Variants in OR51M1 observed in about 807,000 individuals in gnomAD.
OR51M1 encodes the protein olfactory receptor family 51 subfamily M member 1.
For synonymous variants in OR51M1, 199 were observed against 155.1 expected (o/e 1.28, Z -2.10); for missense variants, 509 against 404.4 (o/e 1.26, Z -2.22).
rs375153622 is a variant in OR51M1 at position 5,389,915 on chromosome 11, C to T, written c.517C>T (p.Leu173Phe). ...ACCTGTGGCCACTATCCCTATTGTCCTCCTCCTGAAGGCTTTTCCCTACTG... is the reference window on the plus strand; with the variant it reads ...ACCTGTGGCCACTATCCCTATTGTCTTCCTCCTGAAGGCTTTTCCCTACTG... ...RGPVATIPIVLLLKAFPYCGS... is the reference protein window; with the variant it reads ...RGPVATIPIVFLLKAFPYCGS... Residue 173 changes from leucine (L) to phenylalanine (F), a missense_variant, in exon 3 of 3, where the codon CTC (leucine) becomes TTC (phenylalanine). Coordinates refer to ENST00000642046, the MANE Select transcript of OR51M1 (RefSeq NM_001004756.3). 5.6e-6 allele frequency: 9 copies of T among 1,611,782 alleles called. No individual in the cohort carries two copies. The Admixed American group carries it at 1.2e-4, about 21-fold the overall frequency.
chr11:5,384,174 TC>T (rs577164525), intron 1 of OR51M1, among the ~76,000 whole-genome samples: 3 of 152,186 alleles, frequency 2.0e-5, no homozygotes, highest in Non-Finnish European at 2.9e-5. Context: ...TGTTGTTGTT[TC>T]TTTGTTTGTT....
At position 5,390,063 on chromosome 11, in the gene OR51M1, A is replaced by G. The variant is rs1387104651; in HGVS notation, c.665A>G (p.Asp222Gly). ...GTGGTAGTTTTCACTGTGATGCTGG[A>G]CCTGGTGCTCATCGCACTGTCCTAT... Reference protein sequence around the residue: ...LMVVVFTVMLDLVLIALSYGL... With the variant: ...LMVVVFTVMLGLVLIALSYGL... The change falls in exon 3 of 3, where the codon GAC becomes GGC. Residue 222 changes from aspartate (D) to glycine (G), a missense_variant. Asp to Gly is a moderately conservative substitution (Grantham distance 94, BLOSUM62 -1). Transcript: ENST00000642046. 3.1e-6 allele frequency: 5 copies of G among 1,613,720 alleles called. No individual in the cohort carries two copies. Among genetic ancestry groups the G allele is most frequent in the Non-Finnish European group, 4.2e-6 (5 of 1,179,884 alleles).
chr11:5,388,633 A>T (rs1849740177), intron 2 of OR51M1, among the ~76,000 whole-genome samples: 1 of 150,824 alleles, frequency 6.6e-6, no homozygotes, highest in Admixed American at 6.6e-5. Flanking sequence ...AGAAAATAGG[A>T]TATACACGGA....
chr11:5,389,940 G>T lies in OR51M1; in HGVS notation c.542G>T (p.Cys181Phe), dbSNP rs199834341. The T allele has an allele frequency of 7.8e-5, 125 of 1,611,196 alleles. No homozygotes were observed. The African/African-American group carries it at 1.5e-3, about 19-fold the overall frequency. The change falls in exon 3 of 3, where the codon TGT becomes TTT. Residue 181 changes from cysteine (C) to phenylalanine (F), a missense_variant. By Grantham distance (205) the Cys-to-Phe change is radical. Transcript: ENST00000642046. ...IVLLLKAFPY[C>F]GSVVLSHSFC... ...CTCCTCCTGAAGGCTTTTCCCTACT[G>T]TGGATCTGTGGTCCTCTCCCACTCA...
In OR51M1 at chr11:5,390,459, G is replaced by C; in HGVS notation, c.*80G>C. On this transcript the variant is annotated 3_prime_UTR_variant, in exon 3 of 3. Coordinates refer to ENST00000642046, the MANE Select transcript of OR51M1 (RefSeq NM_001004756.3). ...GAAAATTTGGAGTATTGAGTATATAGCATGCTCTTAAAGATTTTTTGCCCC... is the reference window on the plus strand; with the variant it reads ...GAAAATTTGGAGTATTGAGTATATACCATGCTCTTAAAGATTTTTTGCCCC... The C allele has an allele frequency of 8.1e-7, 1 of 1,232,212 alleles. No homozygotes were observed. Among genetic ancestry groups the C allele is most frequent in the Non-Finnish European group, 1.1e-6 (1 of 908,884 alleles). 76.3% of individuals were successfully genotyped at this position (1,232,212 alleles called of 1,614,324 possible). A position where few individuals can be genotyped will look rare whatever the true frequency, so the allele number is the denominator to read the frequency against.
rs1390490060 is a variant in OR51M1, at chr11:5,391,098, T to C, written c.*719T>C. On this transcript the variant is annotated 3_prime_UTR_variant, in exon 3 of 3. Transcript: ENST00000642046. ...TTGTAGGTGTTTTAGTTGTGTGATATTGAACAATGACATGTAACGTGAGAA... is the reference window on the plus strand; with the variant it reads ...TTGTAGGTGTTTTAGTTGTGTGATACTGAACAATGACATGTAACGTGAGAA... The C allele has an allele frequency of 6.6e-6, 1 of 152,240 alleles. No homozygotes were observed. Among genetic ancestry groups the C allele is most frequent in the African/African-American group, 2.4e-5 (1 of 41,456 alleles). The allele number at this position is 152,240 out of a possible 1,614,324, so 9.4% of individuals were successfully genotyped here.
chr11:5,389,738 T>C lies in OR51M1; in HGVS notation c.340T>C (p.Phe114Leu), dbSNP rs189933785. The change falls in exon 3 of 3, where the codon TTC (phenylalanine) becomes CTC (leucine). Residue 114 changes from phenylalanine to leucine, a missense_variant. Transcript: ENST00000642046. ...CTTTGGAGCGTGTCAAATCCAGATGTTCTGCATCCACTCTTTTTCCTTCAT... is the reference window on the plus strand; with the variant it reads ...CTTTGGAGCGTGTCAAATCCAGATGCTCTGCATCCACTCTTTTTCCTTCAT... ...IYFGACQIQMFCIHSFSFMES... is the reference protein window; with the variant it reads ...IYFGACQIQMLCIHSFSFMES... The C allele has an allele frequency of 1.0e-3, 1,652 of 1,613,986 alleles. 37 individuals are homozygous for C. In the Admixed American group the frequency reaches 0.025, roughly 25 times the overall value.
chr11:5,389,889 G>A lies in OR51M1; in HGVS notation c.491G>A (p.Gly164Glu), dbSNP rs1023356797. Residue 164 changes from glycine to glutamate, a missense_variant, in exon 3 of 3, where the codon GGA becomes GAA. Transcript: ENST00000642046. Reference sequence around the variant, plus strand: ...GCAGGCCTAATTGTCATCTTCCGGGGACCTGTGGCCACTATCCCTATTGTC... The same window carrying A: ...GCAGGCCTAATTGTCATCTTCCGGGAACCTGTGGCCACTATCCCTATTGTC... ...VRAGLIVIFR[G>E]PVATIPIVLL... is the part of the protein sequence containing the mutation. 3.1e-6 allele frequency: 5 copies of A among 1,612,584 alleles called. No homozygotes were observed. Among genetic ancestry groups the A allele is most frequent in the East Asian group, 2.2e-5 (1 of 44,896 alleles).
At position 5,391,323 on chromosome 11, in the gene OR51M1, T is replaced by C. The variant is rs1849792396; in HGVS notation, c.*944T>C. The C allele has an allele frequency of 6.6e-6, 1 of 152,244 alleles. No individual in the cohort carries two copies. The highest frequency in any genetic ancestry group is 2.4e-5 in the African/African-American group (1 of 41,466). The allele number at this position is 152,244 out of a possible 1,614,324, so 9.4% of individuals were successfully genotyped here. On this transcript the variant is annotated 3_prime_UTR_variant, in exon 3 of 3. Transcript: ENST00000642046. ...CCCTTTCCAATGGTAAAGCACCAAA[T>C]GCTCCATCGGTTTCCTTCCACAGTG...
intron 1 of OR51M1, among the ~76,000 whole-genome samples, chr11:5,384,761 A>G (rs972542548): frequency 3.3e-5 from 5 of 152,132 alleles, no homozygotes; most frequent in Non-Finnish European, 5.9e-5. Context: ...CCCATCCTCA[A>G]TCTGCTTATT....
chr11:5,389,910 T>C lies in OR51M1; in HGVS notation c.512T>C (p.Ile171Thr). 1.2e-6 allele frequency: 2 copies of C among 1,612,034 alleles called. No individual in the cohort carries two copies. Among genetic ancestry groups the C allele is most frequent in the Non-Finnish European group, 1.7e-6 (2 of 1,179,878 alleles). The change falls in exon 3 of 3, where the codon ATT (isoleucine) becomes ACT (threonine). Residue 171 changes from isoleucine to threonine, a missense_variant. Transcript: ENST00000642046. ...CGGGGACCTGTGGCCACTATCCCTA[T>C]TGTCCTCCTCCTGAAGGCTTTTCCC... ...IFRGPVATIPIVLLLKAFPYC... is the reference protein window; with the variant it reads ...IFRGPVATIPTVLLLKAFPYC...
At chr11:5,388,719 T>G (rs1012983204) in intron 2 of OR51M1, among the ~76,000 whole-genome samples, 1 of 151,968 alleles carries the variant, frequency 6.6e-6, no homozygotes, top group African/African-American at 2.4e-5. Context: ...TGTATACGTC[T>G]CTCTTGCTAT....
intron 2 of OR51M1, among the ~76,000 whole-genome samples, chr11:5,388,067 A>G (rs1423479269): frequency 6.6e-6 from 1 of 152,198 alleles, no homozygotes; most frequent in Non-Finnish European, 1.5e-5. Flanking sequence ...TACAATTTCA[A>G]TATGTATTTA....
At position 5,391,315 on chromosome 11, in the gene OR51M1, G is replaced by A. The variant is rs988041849; in HGVS notation, c.*936G>A. The A allele has an allele frequency of 1.3e-5, 2 of 152,154 alleles. No homozygotes were observed. The highest frequency in any genetic ancestry group is 4.8e-5 in the African/African-American group (2 of 41,420). 9.4% of individuals were successfully genotyped at this position (152,154 alleles called of 1,614,324 possible). ...TAGCTCCTCCCTTTCCAATGGTAAA[G>A]CACCAAATGCTCCATCGGTTTCCTT... On this transcript the variant is annotated 3_prime_UTR_variant, in exon 3 of 3. Coordinates refer to ENST00000642046, the MANE Select transcript of OR51M1 (RefSeq NM_001004756.3).
At position 5,389,927 on chromosome 11, in the gene OR51M1, G is replaced by T. The variant is rs747752747; in HGVS notation, c.529G>T (p.Ala177Ser). 3 of 1,611,326 alleles carry T rather than the reference G, an allele frequency of 1.9e-6. No individual in the cohort carries two copies. The highest frequency in any genetic ancestry group is 2.5e-6 in the Non-Finnish European group (3 of 1,179,876). ...ATIPIVLLLK[A>S]FPYCGSVVLS... ...TATCCCTATTGTCCTCCTCCTGAAG[G>T]CTTTTCCCTACTGTGGATCTGTGGT... Residue 177 changes from alanine (A) to serine (S), a missense_variant, in exon 3 of 3, where the codon GCT becomes TCT. Ala to Ser is a moderately conservative substitution (Grantham distance 99). Transcript: ENST00000642046.
chr11:5,389,686 C>T lies in OR51M1; in HGVS notation c.288C>T (p.Ile96=). ...CVSTLPTTMG[I]FWFNSHSIYF... ...CCACGTTGCCCACCACTATGGGGAT[C>T]TTCTGGTTTAACTCCCATAGTATCT... The change falls in exon 3 of 3, where the codon ATC becomes ATT. Residue 96 remains isoleucine (I), a synonymous_variant. Transcript: ENST00000642046. 1 of 1,613,672 alleles carries T rather than the reference C, an allele frequency of 6.2e-7. No individual in the cohort carries two copies. The highest frequency in any genetic ancestry group is 8.5e-7 in the Non-Finnish European group (1 of 1,179,846).
At chr11:5,384,131 G>A (rs1347917780) in intron 1 of OR51M1, among the ~76,000 whole-genome samples, 2 of 152,124 alleles carry the variant, frequency 1.3e-5, no homozygotes, top group Admixed American at 6.5e-5. Context: ...CCTGCACTAA[G>A]CCTAATGGGA....
Position 5,385,372 on chromosome 11 carries a change from T to C in OR51M1, c.-102T>C, listed in dbSNP as rs1849671621. On this transcript the variant is annotated 5_prime_UTR_variant, in exon 2 of 3. Transcript: ENST00000642046. ...GTATAGACATCTTGTTTCTACCAGATCCTTCTCCCTGTCCATCTCATCACT... is the reference window on the plus strand; with the variant it reads ...GTATAGACATCTTGTTTCTACCAGACCCTTCTCCCTGTCCATCTCATCACT... The C allele has an allele frequency of 6.6e-6, 1 of 152,210 alleles. No homozygotes were observed. 9.4% of individuals were successfully genotyped at this position (152,210 alleles called of 1,614,324 possible).
Position 5,390,328 on chromosome 11 carries a change from G to T in OR51M1, c.930G>T (p.Glu310Asp). ...NPIIYSIKTK[E>D]IHRAIIKFLG... ...TCATATACAGCATTAAGACCAAGGA[G>T]ATCCACCGTGCCATTATCAAGTTCC... Residue 310 changes from glutamate (E) to aspartate (D), a missense_variant, in exon 3 of 3, where the codon GAG becomes GAT. Transcript: ENST00000642046. 1 of 1,612,774 alleles carries T rather than the reference G, an allele frequency of 6.2e-7. No homozygotes were observed. The highest frequency in any genetic ancestry group is 8.5e-7 in the Non-Finnish European group (1 of 1,179,328).
Sources: gnomAD v4.1 joint callset for allele counts (sites outside exome capture counted in the v4.1 genomes callset) on GRCh38, gnomAD v4.1.1 for gene constraint, MANE v1.5 for transcripts, NCBI Gene and HGNC (gene_info 2026-07-23, HGNC 2026-07-21) for gene names.